The following STAC variants were observed in gnomAD, a reference collection of about 807,000 sequenced individuals.
STAC encodes the protein SH3 and cysteine-rich domain-containing protein.
In STAC, 43 loss-of-function variants were observed where a neutral mutation model predicts 48.8. The observed-to-expected ratio is 0.88, with a 90% CI of 0.69 to 1.14. The LOEUF (loss-of-function observed/expected upper bound fraction) is 1.14, where lower values mean the gene tolerates loss of function less well. Among genes scored for constraint, STAC ranks in the 50% most tolerant of loss-of-function variants. STAC has a pLI of 0.00. For missense variants in STAC, 497 were observed against 504.0 expected, an observed-to-expected ratio of 0.99 and a Z score of 0.13; for synonymous variants, 193 against 179.5, an observed-to-expected ratio of 1.07 and a Z score of -0.60.
intron 7 of STAC, among the ~76,000 whole-genome samples, chr3:36,505,300 A>G (rs1698374095): frequency 6.6e-6 from 1 of 152,138 alleles, no homozygotes; most frequent in Non-Finnish European, 1.5e-5. Flanking sequence ...TGCCAGATGA[A>G]TATACCTGGT....
At chr3:36,469,668 T>G (rs117436351) in intron 2 of STAC, among the ~76,000 whole-genome samples, 1 of 152,214 alleles carries the variant, frequency 6.6e-6, no homozygotes, top group East Asian at 1.9e-4. Flanking sequence ...CCCTCAAATA[T>G]GCTTTCTAAA....
Position 36,384,087 on chromosome 3 carries a change from T to C in STAC, c.111+3333T>C, listed in dbSNP as rs1699567656. ...CTTCCCACTAACTATTTCAGAAAGA[T>C]GACAGCCTAATTTATTTTTTAAGGG... On this transcript the variant is annotated intron_variant, in intron 1 of 10. Transcript: ENST00000273183. Among the ~76,000 whole-genome samples, 3 of 152,216 alleles carry C rather than the reference T, an allele frequency of 2.0e-5. No homozygotes were observed. The South Asian group carries it at 6.2e-4, about 31-fold the overall frequency.
At position 36,398,304 on chromosome 3, in the gene STAC, AAAGAAAGAAAGAAAGC is replaced by A. The variant is rs1335347933; in HGVS notation, c.111+17566_111+17581del. On this transcript the variant is annotated intron_variant, in intron 1 of 10. Coordinates refer to ENST00000273183, the MANE Select transcript of STAC (RefSeq NM_003149.3). The stretch of plus-strand genomic sequence containing the variant: ...TATGAAGGTATGTTAAAAAAGAAAG[AAAGAAAGAAAGAAAGC>A]AAGAAAGAAAGAAAGAAAGAAAGAA... Among the ~76,000 whole-genome samples the A allele has an allele frequency of 9.2e-3, 1,012 of 109,416 alleles. 27 individuals carry two copies. Among genetic ancestry groups the A allele is most frequent in the Middle Eastern group, 0.022 (5 of 224 alleles). 71.8% of individuals were successfully genotyped at this position (109,416 alleles called of 152,430 possible). A position where few individuals can be genotyped will look rare whatever the true frequency, so the allele number is the denominator to read the frequency against.
intron 10 of STAC, among the ~76,000 whole-genome samples, chr3:36,545,304 G>A (rs970721745): frequency 2.6e-5 from 4 of 152,310 alleles, no homozygotes; most frequent in African/African-American, 9.6e-5. Flanking sequence ...AGAGCTCCCA[G>A]GCGAACCAAG....
intron 1 of STAC, among the ~76,000 whole-genome samples, chr3:36,406,527 T>C (rs1221890768): frequency 6.6e-6 from 1 of 152,198 alleles, no homozygotes; most frequent in Non-Finnish European, 1.5e-5. Context: ...AGCAAGGGAA[T>C]AAGGCTGGTG....
chr3:36,459,158 T>C (rs1473975418), intron 2 of STAC: 13 of 152,222 alleles, frequency 8.5e-5, no homozygotes, highest in Admixed American at 8.5e-4. Flanking sequence ...TAATAACATC[T>C]TTACTTAGTT....
At chr3:36,544,479 C>CATTTATTTATTT (rs141283454) in intron 10 of STAC, among the ~76,000 whole-genome samples, 1 of 151,648 alleles carries the variant, frequency 6.6e-6, no homozygotes, top group Non-Finnish European at 1.5e-5. Flanking sequence ...CAGGTGTCTG[C>CATTTATTTATTT]ATTTATTTAT....
chr3:36,493,109 T>C, intron 5 of STAC, 42 bp from the exon 6 acceptor site: 1 of 1,582,766 alleles, frequency 6.3e-7, no homozygotes, highest in Non-Finnish European at 8.7e-7. Flanking sequence ...TGACCACAGA[T>C]ATAACATTGT....
chr3:36,405,563 G>A (rs1052816050), intron 1 of STAC, among the ~76,000 whole-genome samples: 4 of 152,040 alleles, frequency 2.6e-5, no homozygotes, highest in Non-Finnish European at 5.9e-5. Context: ...ACAACTGATC[G>A]CTATTTAAAG....
chr3:36,539,594 G>T (rs1042326168), intron 10 of STAC, among the ~76,000 whole-genome samples: 2 of 151,978 alleles, frequency 1.3e-5, no homozygotes, highest in Non-Finnish European at 2.9e-5. Flanking sequence ...CAGATTTGGG[G>T]TACATATATT....
chr3:36,380,703 G>A lies in STAC; in HGVS notation c.60G>A (p.Val20=), dbSNP rs752745241. The A allele has an allele frequency of 3.1e-6, 5 of 1,611,600 alleles. No individual in the cohort carries two copies. The Admixed American group carries it at 8.3e-5, about 27-fold the overall frequency. The part of the protein sequence containing the change: ...DGVDGLPKEA[V]GAEQPPSPAS... ...TGGACGGGCTGCCCAAGGAGGCGGT[G>A]GGCGCCGAGCAACCGCCCTCTCCTG... Residue 20 remains valine (V), a synonymous_variant, in exon 1 of 11, where the codon GTG becomes GTA. Coordinates refer to ENST00000273183, the MANE Select transcript of STAC (RefSeq NM_003149.3).
In STAC at chr3:36,504,388, T is replaced by C; in HGVS notation, c.767-5T>C. On this transcript the variant is annotated splice_polypyrimidine_tract_variant and splice_region_variant and intron_variant, in intron 6 of 10. Transcript: ENST00000273183. Reference sequence around the variant, plus strand: ...AGAGCACCTGCTTTCTCTTGTCTCCTTCAGTGTTTACATATCCAGAAAATG... The same window carrying C: ...AGAGCACCTGCTTTCTCTTGTCTCCCTCAGTGTTTACATATCCAGAAAATG... 2 of 1,612,776 alleles carry C rather than the reference T, an allele frequency of 1.2e-6. No individual in the cohort carries two copies. Among genetic ancestry groups the C allele is most frequent in the South Asian group, 1.1e-5 (1 of 90,992 alleles).
At chr3:36,533,997 T>C (rs746280219) in intron 10 of STAC, among the ~76,000 whole-genome samples, 1 of 152,152 alleles carries the variant, frequency 6.6e-6, no homozygotes, top group Non-Finnish European at 1.5e-5. Flanking sequence ...ACATCAGCCA[T>C]TTCAAAGAAA....
At chr3:36,447,162 T>C (rs1482005221) in intron 2 of STAC, among the ~76,000 whole-genome samples, 7 of 152,158 alleles carry the variant, frequency 4.6e-5, no homozygotes, top group Non-Finnish European at 1.0e-4. Flanking sequence ...CTAGCCTTTG[T>C]ACATTTCTGT....
chr3:36,380,845 T>C (rs1392561992), intron 1 of STAC, 91 bp downstream of exon 1: 7 of 983,214 alleles, frequency 7.1e-6, no homozygotes, highest in Non-Finnish European at 1.0e-5. Context: ...AGCACGGGCG[T>C]GGGGGTCTGA....
At chr3:36,445,219 C>A (rs973378385) in intron 2 of STAC, among the ~76,000 whole-genome samples, 1 of 152,074 alleles carries the variant, frequency 6.6e-6, no homozygotes, top group African/African-American at 2.4e-5. Context: ...TCAAGTACAA[C>A]AACAATTTTG....
chr3:36,506,398 T>C (rs1162543533), intron 8 of STAC, among the ~76,000 whole-genome samples: 2 of 152,144 alleles, frequency 1.3e-5, no homozygotes, highest in Non-Finnish European at 2.9e-5. Context: ...CTTAGGATTG[T>C]CTTGGCTATG....
chr3:36,469,953 A>C (rs768274294), intron 2 of STAC, among the ~76,000 whole-genome samples: 6 of 152,038 alleles, frequency 3.9e-5, no homozygotes, highest in Non-Finnish European at 8.8e-5. Context: ...TATTTCACTG[A>C]ACAATTTTGC....
chr3:36,462,269 G>C (rs1697039693), intron 2 of STAC, among the ~76,000 whole-genome samples: 1 of 152,112 alleles, frequency 6.6e-6, no homozygotes, highest in South Asian at 2.1e-4. Context: ...ACGTGAAGTT[G>C]TGTAGATTCT....
Sources: allele counts gnomAD v4.1 joint callset (sites outside exome capture counted in the v4.1 genomes callset), GRCh38; gene constraint gnomAD v4.1.1; transcripts MANE v1.5; gene names NCBI Gene and HGNC (gene_info 2026-07-23, HGNC 2026-07-21).